Variants in SMYD3 observed in about 807,000 individuals in gnomAD.
SMYD3 encodes histone-lysine N-methyltransferase SMYD3.
A neutral mutation model predicts 57.7 loss-of-function variants in SMYD3; 36 were observed. That is an observed-to-expected ratio of 0.62 (90% CI 0.48 to 0.82). The LOEUF (loss-of-function observed/expected upper bound fraction) is 0.82. SMYD3 is among the 40% of genes least tolerant of loss of function. The pLI, the probability that SMYD3 is intolerant of heterozygous loss-of-function variation, is 0.00. For missense variants in SMYD3, 515 were observed against 538.8 expected, an observed-to-expected ratio of 0.96 and a Z score of 0.44; for synonymous variants, 211 against 195.0, an observed-to-expected ratio of 1.08 and a Z score of -0.68.
intron 1 of SMYD3, among the ~76,000 whole-genome samples, chr1:246,411,985 A>C (rs2066982764): frequency 3.9e-5 from 6 of 152,042 alleles, no homozygotes; most frequent in African/African-American, 1.4e-4. Context: ...TAAAAAAAAA[A>C]AAAAAAAACT....
At chr1:246,411,952 G>A (rs547233648) in intron 1 of SMYD3, among the ~76,000 whole-genome samples, 34 of 142,918 alleles carry the variant, frequency 2.4e-4, no homozygotes, top group East Asian at 1.0e-3. Flanking sequence ...TTGTGCACAC[G>A]TACCCTAAAA....
intron 5 of SMYD3, among the ~76,000 whole-genome samples, chr1:246,140,081 A>C (rs2061728564): frequency 6.6e-6 from 1 of 152,240 alleles, no homozygotes; most frequent in Admixed American, 6.5e-5. Flanking sequence ...AATATTATCT[A>C]AACCAAGATC....
chr1:246,050,544 C>G (rs568226706), intron 5 of SMYD3, among the ~76,000 whole-genome samples: 1 of 152,118 alleles, frequency 6.6e-6, no homozygotes, highest in Non-Finnish European at 1.5e-5. Context: ...TCAGGTCCAA[C>G]GTAAATGGTG....
intron 1 of SMYD3, among the ~76,000 whole-genome samples, chr1:246,364,185 C>A: frequency 1.4e-5 from 2 of 142,248 alleles, no homozygotes. Flanking sequence ...TTGTGAGCTC[C>A]AGGACTGTAA....
chr1:245,872,500 G>C lies in SMYD3; in HGVS notation c.814-8614C>G, dbSNP rs144897209. 3.3e-3 allele frequency among the ~76,000 whole-genome samples: 507 copies of C among 152,014 alleles called. 9 individuals carry two copies. In the East Asian group the frequency reaches 0.048, roughly 14 times the overall value. ...GGATGGATGTCCTCTTCTCAGATGA[G>C]AGAGCCTTCTCCCGTCGGGCAGCCC... is the stretch of plus-strand genomic sequence containing the variant. On this transcript the variant is annotated intron_variant, in intron 8 of 11. Transcript: ENST00000490107.
At chr1:246,038,871 T>C (rs954769647) in intron 5 of SMYD3, among the ~76,000 whole-genome samples, 16 of 152,244 alleles carry the variant, frequency 1.1e-4, no homozygotes, top group Admixed American at 8.5e-4. Flanking sequence ...TTGTGGAAAT[T>C]TTGTAAGTAG....
At chr1:246,268,876 C>T (rs916119763) in intron 5 of SMYD3, among the ~76,000 whole-genome samples, 7 of 152,046 alleles carry the variant, frequency 4.6e-5, no homozygotes, top group African/African-American at 1.7e-4. Flanking sequence ...TTTCTCGCGC[C>T]AGATCCAAGA....
chr1:245,808,108 C>T (rs920737718), intron 10 of SMYD3, among the ~76,000 whole-genome samples: 2 of 152,172 alleles, frequency 1.3e-5, no homozygotes, highest in Admixed American at 6.5e-5. Flanking sequence ...CTGGCTGTTC[C>T]CAGGCAGCTG....
intron 5 of SMYD3, among the ~76,000 whole-genome samples, chr1:245,934,875 A>C (rs1421122596): frequency 6.6e-6 from 1 of 152,210 alleles, no homozygotes; most frequent in Non-Finnish European, 1.5e-5. Context: ...GCGGGGACAA[A>C]GGCCCATGCT....
chr1:246,159,144 A>C (rs2062072923), intron 5 of SMYD3, among the ~76,000 whole-genome samples: 1 of 152,162 alleles, frequency 6.6e-6, no homozygotes, highest in African/African-American at 2.4e-5. Context: ...GGTTTTTCTA[A>C]AGTGCTGGGG....
Position 246,067,053 on chromosome 1 carries a change from T to C in SMYD3, c.532-137116A>G, listed in dbSNP as rs116357384. ...CAATAAAAGTAAAAATTCCGGTGAA[T>C]AAGAGCTGGTAGAGTCCTTTTGAAG... is the stretch of plus-strand genomic sequence containing the variant. On this transcript the variant is annotated intron_variant, in intron 5 of 11. Transcript: ENST00000490107. Among the ~76,000 whole-genome samples, 598 of 152,296 alleles carry C rather than the reference T, an allele frequency of 3.9e-3. 3 individuals are homozygous for C. Among genetic ancestry groups the C allele is most frequent in the Non-Finnish European group, 5.8e-3 (397 of 68,026 alleles).
intron 1 of SMYD3, among the ~76,000 whole-genome samples, chr1:246,401,807 C>T (rs2066774419): frequency 6.6e-6 from 1 of 151,984 alleles, no homozygotes; most frequent in South Asian, 2.1e-4. Flanking sequence ...ACCACAACCT[C>T]CACCTCCCAG....
intron 3 of SMYD3, among the ~76,000 whole-genome samples, chr1:246,333,898 A>G (rs2065499638): frequency 6.6e-6 from 1 of 152,036 alleles, no homozygotes; most frequent in South Asian, 2.1e-4. Context: ...AAAAGTGAAA[A>G]TAAAAAGTGC....
At chr1:246,363,355 G>A (rs1474132237) in intron 1 of SMYD3, among the ~76,000 whole-genome samples, 2 of 151,394 alleles carry the variant, frequency 1.3e-5, no homozygotes, top group Non-Finnish European at 2.9e-5. Flanking sequence ...GGGCGCCTCT[G>A]CCCGGCCGCC....
intron 1 of SMYD3, among the ~76,000 whole-genome samples, chr1:246,505,814 C>A (rs1033457085): frequency 3.3e-5 from 5 of 152,214 alleles, no homozygotes; most frequent in African/African-American, 7.2e-5. Context: ...TCTAATGATT[C>A]AATTGCCAAT....
At chr1:246,322,070 C>CA (rs1041395432) in intron 5 of SMYD3, among the ~76,000 whole-genome samples, 1 of 152,090 alleles carries the variant, frequency 6.6e-6, no homozygotes, top group Non-Finnish European at 1.5e-5. Flanking sequence ...AAATCCATTT[C>CA]AAAATCTAAC....
intron 5 of SMYD3, among the ~76,000 whole-genome samples, chr1:246,295,014 A>G (rs969797761): frequency 5.3e-5 from 8 of 152,200 alleles, no homozygotes; most frequent in African/African-American, 1.7e-4. Context: ...TATGTTGCAT[A>G]TTACTTATGT....
Position 246,130,266 on chromosome 1 carries a change from G to C in SMYD3, c.531+196935C>G, listed in dbSNP as rs373919760. 5.3e-5 allele frequency among the ~76,000 whole-genome samples: 8 copies of C among 152,138 alleles called. No homozygotes were observed. The South Asian group carries it at 8.3e-4, about 16-fold the overall frequency. ...ACAAAATTATCACTAAGATCATTTA[G>C]GGTTGTCCAACTTTTCATGAAGTTC... On this transcript the variant is annotated intron_variant, in intron 5 of 11. Transcript: ENST00000490107.
chr1:245,945,002 A>T (rs2057384248), intron 5 of SMYD3, among the ~76,000 whole-genome samples: 2 of 152,214 alleles, frequency 1.3e-5, no homozygotes, highest in South Asian at 4.1e-4. Flanking sequence ...TGGATTAAAG[A>T]CATAAATATA....
Sources: allele counts gnomAD v4.1 joint callset (sites outside exome capture counted in the v4.1 genomes callset), GRCh38; gene constraint gnomAD v4.1.1; transcripts MANE v1.5; gene names NCBI Gene and HGNC (gene_info 2026-07-23, HGNC 2026-07-21).